TANC1: variants seen among roughly 807,000 people sequenced by gnomAD.
TANC1 encodes tetratricopeptide repeat, ankyrin repeat and coiled-coil containing 1, also known as protein TANC1.
TANC1 carries 77 observed loss-of-function variants against 149.7 expected under a neutral mutation model. The observed-to-expected ratio is 0.51, with a 90% CI of 0.43 to 0.62. TANC1 has a LOEUF of 0.62. TANC1 is among the 20% of genes least tolerant of loss of function. The pLI is 0.00. For missense variants in TANC1, 1,985 were observed against 2,321.8 expected (o/e 0.85, Z 2.98); for synonymous variants, 854 against 925.0 (o/e 0.92, Z 1.39).
In TANC1 at chr2:159,229,924, A is replaced by G; in HGVS notation, c.4498A>G (p.Arg1500Gly). Residue 1500 changes from arginine (R) to glycine (G), a missense_variant, in exon 27 of 27, where the codon AGG (arginine) becomes GGG (glycine). Around this residue, in one of 3 missense-constraint regions of TANC1, gnomAD observed 920 missense variants for 994.7 expected, o/e 0.92. Coordinates refer to ENST00000263635, the MANE Select transcript of TANC1 (RefSeq NM_033394.3). ...NLQEGLQSKG[R>G]PVSPQSRAGI... ...TCAAGAAGGGTTACAGTCCAAAGGA[A>G]GGCCGGTATCGCCACAGAGCAGGGC... 1 of 1,614,060 alleles carries G rather than the reference A, an allele frequency of 6.2e-7. No homozygotes were observed. The highest frequency in any genetic ancestry group is 8.5e-7 in the Non-Finnish European group (1 of 1,180,036).
intron 4 of TANC1, among the ~76,000 whole-genome samples, chr2:159,119,372 T>A (rs1346295515): frequency 1.3e-5 from 2 of 152,202 alleles, no homozygotes; most frequent in Non-Finnish European, 2.9e-5. Flanking sequence ...TGGTTTCATA[T>A]GACCTGTGGT....
Position 159,091,964 on chromosome 2 carries a change from G to C in TANC1, c.62-5673G>C, listed in dbSNP as rs189258604. ...ATCTTTCAGTTTTCTGTAAATATAG[G>C]GGGGGGTGTGTGTGTGTATGTATGT... On this transcript the variant is annotated intron_variant, in intron 3 of 26. Transcript: ENST00000263635. Among the ~76,000 whole-genome samples the C allele has an allele frequency of 2.2e-3, 313 of 144,232 alleles. 8 individuals are homozygous for C. In the Middle Eastern group the frequency reaches 0.028, roughly 13 times the overall value. 94.6% of individuals were successfully genotyped at this position (144,232 alleles called of 152,430 possible). A position where few individuals can be genotyped will look rare whatever the true frequency, so the allele number is the denominator to read the frequency against.
At chr2:159,183,807 G>A (rs534123748) in intron 14 of TANC1, among the ~76,000 whole-genome samples, 8 of 152,110 alleles carry the variant, frequency 5.3e-5, no homozygotes, top group Non-Finnish European at 1.0e-4. Flanking sequence ...AGGAGGGACC[G>A]GGGCCTGAGT....
At chr2:159,088,653 T>C (rs2045206447) in intron 3 of TANC1, among the ~76,000 whole-genome samples, 1 of 152,240 alleles carries the variant, frequency 6.6e-6, no homozygotes, top group African/African-American at 2.4e-5. Context: ...AACAAAAATT[T>C]GTAAACTTTC....
At chr2:159,047,991 T>G (rs1208762915) in intron 2 of TANC1, among the ~76,000 whole-genome samples, 1 of 152,208 alleles carries the variant, frequency 6.6e-6, no homozygotes, top group Non-Finnish European at 1.5e-5. Context: ...CTTGTCATGT[T>G]TTATTTCTGA....
At chr2:159,046,435 C>T (rs567712753) in intron 2 of TANC1, among the ~76,000 whole-genome samples, 84 of 152,200 alleles carry the variant, frequency 5.5e-4, no homozygotes, top group African/African-American at 1.9e-3. Context: ...AGAAACTGCC[C>T]TTGTCGACGT....
At chr2:159,018,789 A>C (rs183939162) in intron 2 of TANC1, among the ~76,000 whole-genome samples, 3 of 152,198 alleles carry the variant, frequency 2.0e-5, no homozygotes, top group Admixed American at 1.3e-4. Flanking sequence ...TTGTATCTGT[A>C]TAGCTTCTAC....
At chr2:159,118,975 A>G (rs904212495) in intron 4 of TANC1, among the ~76,000 whole-genome samples, 3 of 152,206 alleles carry the variant, frequency 2.0e-5, no homozygotes, top group African/African-American at 4.8e-5. Flanking sequence ...AAATCTCTGT[A>G]GTTACTTTGT....
chr2:159,207,697 C>CAAAAAAAAAAAAAAAAAAAAAAA, intron 19 of TANC1, among the ~76,000 whole-genome samples: 34 of 49,432 alleles, frequency 6.9e-4, no homozygotes, highest in Admixed American at 9.6e-4. Flanking sequence ...ACACGTGTCT[C>CAAAAAAAAAAAAAAAAAAAAAAA]AAAAAAAAAA....
chr2:159,053,051 G>C (rs2041584987), intron 2 of TANC1, among the ~76,000 whole-genome samples: 1 of 152,136 alleles, frequency 6.6e-6, no homozygotes, highest in African/African-American at 2.4e-5. Context: ...AAAGGTTACA[G>C]ATTCATGCCT....
At chr2:159,042,340 A>G (rs896365423) in intron 2 of TANC1, among the ~76,000 whole-genome samples, 11 of 152,112 alleles carry the variant, frequency 7.2e-5, no homozygotes, top group African/African-American at 2.7e-4. Context: ...GCAGGAGCCT[A>G]GTTGGTGGTG....
At chr2:159,042,520 G>A (rs1197575089) in intron 2 of TANC1, among the ~76,000 whole-genome samples, 1 of 152,052 alleles carries the variant, frequency 6.6e-6, no homozygotes, top group Non-Finnish European at 1.5e-5. Flanking sequence ...TGATGAGAGT[G>A]AGAGCGGGAG....
chr2:159,185,243 G>A (rs1440975292), intron 14 of TANC1, among the ~76,000 whole-genome samples: 1 of 152,220 alleles, frequency 6.6e-6, no homozygotes, highest in Non-Finnish European at 1.5e-5. Context: ...GGGCAAATGG[G>A]CAGGATGGCC....
chr2:159,123,612 T>C (rs531403257), intron 4 of TANC1, among the ~76,000 whole-genome samples: 3 of 152,332 alleles, frequency 2.0e-5, no homozygotes, highest in Non-Finnish European at 4.4e-5. Flanking sequence ...TGAGTAAATA[T>C]TGGAGAAGAC....
chr2:159,212,386 T>C (rs1353935337), intron 19 of TANC1, among the ~76,000 whole-genome samples: 1 of 152,184 alleles, frequency 6.6e-6, no homozygotes, highest in Non-Finnish European at 1.5e-5. Flanking sequence ...ACCCAGATCT[T>C]CTAGCGTAAG....
chr2:159,136,604 G>T (rs1329442732), intron 5 of TANC1, among the ~76,000 whole-genome samples: 2 of 152,124 alleles, frequency 1.3e-5, no homozygotes, highest in Non-Finnish European at 2.9e-5. Flanking sequence ...TTGCTTCCAA[G>T]ATTTTGTTTT....
At chr2:159,027,140 C>T (rs1402597801) in intron 2 of TANC1, 1 of 151,994 alleles carries the variant, frequency 6.6e-6, no homozygotes, top group Non-Finnish European at 1.5e-5. Flanking sequence ...CTGAGGGAAG[C>T]GTCTTTTTCA....
chr2:159,061,752 T>G (rs545280294), intron 2 of TANC1, among the ~76,000 whole-genome samples: 2 of 152,312 alleles, frequency 1.3e-5, no homozygotes, highest in South Asian at 4.1e-4. Context: ...TCCCCTACAC[T>G]CTCTTCCTCA....
At chr2:159,194,138 C>T (rs1345545660) in intron 16 of TANC1, 119 bp from the exon 17 acceptor site, 15 of 759,940 alleles carry the variant, frequency 2.0e-5, no homozygotes, top group Non-Finnish European at 2.8e-5. Context: ...TACTGGTGCA[C>T]ATTCAAGTTT....
Sources: gnomAD v4.1 joint callset for allele counts (sites outside exome capture counted in the v4.1 genomes callset) on GRCh38, gnomAD v4.1.1 for gene constraint, gnomAD v4.1.1 regional missense constraint, MANE v1.5 for transcripts, NCBI Gene and HGNC (gene_info 2026-07-23, HGNC 2026-07-21) for gene names.